KATNIP: variants seen among roughly 807,000 people sequenced by gnomAD.
KATNIP encodes katanin interacting protein, also known as katanin-interacting protein.
Under a neutral mutation model 174.0 loss-of-function variants are expected in KATNIP, and 126 were observed. That is an observed-to-expected ratio of 0.72 (90% CI 0.63 to 0.84). The LOEUF is 0.84. KATNIP is among the 40% of genes least tolerant of loss of function. The probability of loss-of-function intolerance (pLI) is 0.00; values close to 1 mark genes in which losing one functional copy is unlikely to be tolerated. For synonymous variants in KATNIP, 810 were observed against 835.7 expected (o/e 0.97, Z 0.53); for missense variants, 1,958 against 2,109.7 (o/e 0.93, Z 1.41).
chr16:27,586,140 T>G (rs1239687034), intron 2 of KATNIP, among the ~76,000 whole-genome samples: 1 of 152,132 alleles, frequency 6.6e-6, no homozygotes, highest in Non-Finnish European at 1.5e-5. Context: ...ATACTTGGGT[T>G]GTTTATAAAC....
At chr16:27,681,595 C>T (rs2078345482) in intron 8 of KATNIP, 65 bp downstream of exon 8, 2 of 1,595,052 alleles carry the variant, frequency 1.3e-6, no homozygotes, top group African/African-American at 2.7e-5. Context: ...TCTGGGGTGC[C>T]ATGATGGGAG....
intron 1 of KATNIP, among the ~76,000 whole-genome samples, chr16:27,566,258 G>T (rs2141638206): frequency 6.6e-6 from 1 of 152,222 alleles, no homozygotes; most frequent in African/African-American, 2.4e-5. Flanking sequence ...CAGGAAGCCG[G>T]CCAGGCGTGG....
chr16:27,569,797 T>A (rs936157320), intron 1 of KATNIP, among the ~76,000 whole-genome samples: 1 of 152,242 alleles, frequency 6.6e-6, no homozygotes, highest in Admixed American at 6.5e-5. Context: ...CTTAATTGAG[T>A]GAATTATCTT....
chr16:27,559,207 TG>T (rs1281517347), intron 1 of KATNIP, among the ~76,000 whole-genome samples: 1 of 152,196 alleles, frequency 6.6e-6, no homozygotes, highest in Non-Finnish European at 1.5e-5. Context: ...TGATGTCCCA[TG>T]GGGCTTTGCA....
chr16:27,777,831 A>C lies in KATNIP; in HGVS notation c.4713-50A>C, dbSNP rs201584754. 2.0e-4 allele frequency: 326 copies of C among 1,612,510 alleles called. 2 individuals are homozygous for C. The African/African-American group carries it at 4.2e-3, about 21-fold the overall frequency. On this transcript the variant is annotated intron_variant, in intron 26 of 27. Coordinates refer to ENST00000261588, the MANE Select transcript of KATNIP (RefSeq NM_015202.5). This position sits in a 1 kb window ranked among gnomAD's most constrained non-coding sequence, Gnocchi z 4.4. ...GCCCTAAGGAGGATGGATGGCTGGG[A>C]CACACGGCCAGGAGCCTGATCGAAT...
chr16:27,587,714 T>C (rs2141836645), intron 2 of KATNIP, among the ~76,000 whole-genome samples: 1 of 152,352 alleles, frequency 6.6e-6, no homozygotes, highest in African/African-American at 2.4e-5. Context: ...ATATCTCATG[T>C]AATTTATTGA....
chr16:27,622,820 T>C (rs138935251), intron 3 of KATNIP, among the ~76,000 whole-genome samples: 207 of 152,278 alleles, frequency 1.4e-3, no homozygotes, highest in African/African-American at 4.6e-3. Flanking sequence ...TTTGTCCTCA[T>C]GGCAGCCCAG....
At chr16:27,638,034 C>G (rs1375429138) in intron 5 of KATNIP, among the ~76,000 whole-genome samples, 1 of 152,178 alleles carries the variant, frequency 6.6e-6, no homozygotes, top group Admixed American at 6.5e-5. Flanking sequence ...CGTGCCTTCT[C>G]CACACACGGT....
At chr16:27,690,720 G>T (rs2078700027) in intron 8 of KATNIP, among the ~76,000 whole-genome samples, 1 of 152,138 alleles carries the variant, frequency 6.6e-6, no homozygotes, top group South Asian at 2.1e-4. Context: ...CCATTTCCCT[G>T]GACTTTTTGC....
rs538542857 is a variant in KATNIP at position 27,747,633 on chromosome 16, G to A, written c.2624-1951G>A. On this transcript the variant is annotated intron_variant, in intron 15 of 27. Transcript: ENST00000261588. Reference sequence around the variant, plus strand: ...TCGGCATTGATCCAATTAGATGGCCGGAAGGTGGGGGGTGGGGTGTCCCCA... The same window carrying A: ...TCGGCATTGATCCAATTAGATGGCCAGAAGGTGGGGGGTGGGGTGTCCCCA... Among the ~76,000 whole-genome samples the A allele has an allele frequency of 6.3e-4, 96 of 152,254 alleles. 2 individuals are homozygous for A. The South Asian group carries it at 0.02, about 31-fold the overall frequency.
intron 13 of KATNIP, among the ~76,000 whole-genome samples, chr16:27,719,143 A>G (rs1383587731): frequency 6.6e-6 from 1 of 152,108 alleles, no homozygotes; most frequent in Non-Finnish European, 1.5e-5. Context: ...GCCCCTAAAC[A>G]AGGACTGCAG....
At chr16:27,737,332 T>G (rs564643651) in intron 14 of KATNIP, among the ~76,000 whole-genome samples, 1 of 152,226 alleles carries the variant, frequency 6.6e-6, no homozygotes, top group East Asian at 1.9e-4. Context: ...CAGTGAACCC[T>G]GATCGAGCCA....
In KATNIP at chr16:27,719,384, T is replaced by C. The variant is rs374083877; in HGVS notation, c.1606-2174T>C. On this transcript the variant is annotated intron_variant, in intron 13 of 27. Transcript: ENST00000261588. ...GAAATCTCCCCCCTCCACCACCACC[T>C]TTTTTTGAGACAGAGTCTCACTTCA... Among the ~76,000 whole-genome samples the C allele has an allele frequency of 3.3e-5, 5 of 152,198 alleles. No homozygotes were observed. In the East Asian group the frequency reaches 9.7e-4, roughly 29 times the overall value.
chr16:27,753,160 A>G (rs947119019), intron 17 of KATNIP, among the ~76,000 whole-genome samples: 2 of 151,960 alleles, frequency 1.3e-5, no homozygotes, highest in Non-Finnish European at 2.9e-5. Context: ...ATCTAAGGAA[A>G]GCGGCCACCA....
intron 13 of KATNIP, among the ~76,000 whole-genome samples, chr16:27,717,746 C>T (rs780515189): frequency 6.6e-6 from 1 of 152,148 alleles, no homozygotes; most frequent in Non-Finnish European, 1.5e-5. Context: ...GATTTCTTTC[C>T]TGGAGGATTC....
At chr16:27,760,415 A>T (rs555038207) in intron 18 of KATNIP, among the ~76,000 whole-genome samples, 2 of 152,314 alleles carry the variant, frequency 1.3e-5, no homozygotes, top group Admixed American at 1.3e-4. Flanking sequence ...GGGCAAATGA[A>T]TGACATCTGG....
intron 16 of KATNIP, 113 bp downstream of exon 16, chr16:27,750,419 CTTT>C (rs369243500): frequency 0.01 from 6,634 of 656,552 alleles, no homozygotes; most frequent in East Asian, 0.013. Flanking sequence ...CTTTCTCTTT[CTTT>C]TTTTTTTTTT....
At chr16:27,694,665 G>A (rs935469438) in intron 8 of KATNIP, among the ~76,000 whole-genome samples, 4 of 151,862 alleles carry the variant, frequency 2.6e-5, no homozygotes, top group African/African-American at 9.7e-5. Flanking sequence ...GCATGGTGGC[G>A]CATGCTTGTA....
In KATNIP at chr16:27,667,855, T is replaced by G. The variant is rs28434352; in HGVS notation, c.541-9874T>G. Among the ~76,000 whole-genome samples, 1,094 of 152,354 alleles carry G rather than the reference T, an allele frequency of 7.2e-3. 15 individuals are homozygous for G. Among genetic ancestry groups the G allele is most frequent in the African/African-American group, 0.025 (1,043 of 41,578 alleles). On this transcript the variant is annotated intron_variant, in intron 6 of 27. Coordinates refer to ENST00000261588, the MANE Select transcript of KATNIP (RefSeq NM_015202.5). Reference sequence around the variant, plus strand: ...TTTGACCCCTCAGCAGCCTTTTTTTTGTGAGCTAATCAGGGCACATTTTCC... The same window carrying G: ...TTTGACCCCTCAGCAGCCTTTTTTTGGTGAGCTAATCAGGGCACATTTTCC...
Sources: gnomAD v4.1 joint callset for allele counts (sites outside exome capture counted in the v4.1 genomes callset) on GRCh38, gnomAD v4.1.1 for gene constraint, Gnocchi (gnomAD v3.1) non-coding constraint, MANE v1.5 for transcripts, NCBI Gene and HGNC (gene_info 2026-07-23, HGNC 2026-07-21) for gene names.